Variants in RAPGEF6 observed in about 807,000 individuals in gnomAD.
RAPGEF6 encodes the protein PDZ domain containing guanine nucleotide exchange factor (GEF) 2.
RAPGEF6 carries 56 observed loss-of-function variants against 171.4 expected under a neutral mutation model. The ratio of observed to expected loss-of-function variants is 0.33; its 90% CI spans 0.26 to 0.41. The LOEUF (loss-of-function observed/expected upper bound fraction) is 0.41, where lower values mean the gene tolerates loss of function less well. RAPGEF6 is among the 10% of genes least tolerant of loss of function. The pLI is 1.00. For synonymous variants in RAPGEF6, 692 were observed against 650.1 expected (o/e 1.06, Z -0.98); for missense variants, 1,674 against 1,921.4 (o/e 0.87, Z 2.41).
intron 5 of RAPGEF6, among the ~76,000 whole-genome samples, chr5:131,555,939 G>A (rs763430392): frequency 6.6e-5 from 10 of 152,140 alleles, no homozygotes; most frequent in South Asian, 2.1e-4. Flanking sequence ...AGGCTATATA[G>A]TATGGCCTAT....
At chr5:131,518,788 T>C (rs1011586474) in intron 7 of RAPGEF6, among the ~76,000 whole-genome samples, 1 of 152,156 alleles carries the variant, frequency 6.6e-6, no homozygotes, top group African/African-American at 2.4e-5. Context: ...TATAAGTTTC[T>C]TCTTTAAATT....
chr5:131,599,789 G>C (rs1764119546), intron 3 of RAPGEF6, among the ~76,000 whole-genome samples: 2 of 152,046 alleles, frequency 1.3e-5, no homozygotes, highest in South Asian at 4.1e-4. Context: ...TTTTTTTAAA[G>C]TGCCAAAATG....
chr5:131,595,712 TA>T (rs774019113), intron 3 of RAPGEF6, among the ~76,000 whole-genome samples: 14 of 151,828 alleles, frequency 9.2e-5, no homozygotes, highest in Admixed American at 2.0e-4. Context: ...AAGGCAGGAA[TA>T]AATCCTTACC....
intron 6 of RAPGEF6, among the ~76,000 whole-genome samples, chr5:131,530,213 A>G (rs1350814093): frequency 6.6e-6 from 1 of 152,040 alleles, no homozygotes; most frequent in Non-Finnish European, 1.5e-5. Context: ...GGAAAAAAAA[A>G]GCATGAGCTC....
Position 131,423,967 on chromosome 5 carries a change from A to G in RAPGEF6, c.*3299T>C, listed in dbSNP as rs370176546. 4 of 152,292 alleles carry G rather than the reference A, an allele frequency of 2.6e-5. No individual in the cohort carries two copies. The highest frequency in any genetic ancestry group is 4.8e-5 in the African/African-American group (2 of 41,464). The allele number at this position is 152,292 out of a possible 1,614,324, so 9.4% of individuals were successfully genotyped here. On this transcript the variant is annotated 3_prime_UTR_variant, in exon 28 of 28. Transcript: ENST00000509018. ...TTCCACCAATGTATTAGTAGATATG[A>G]TAATAATAAATGGTATTTTTACATT...
At chr5:131,485,565 T>C (rs1755832689) in intron 15 of RAPGEF6, among the ~76,000 whole-genome samples, 1 of 152,188 alleles carries the variant, frequency 6.6e-6, no homozygotes. Context: ...AGTACTCACA[T>C]CCAGGTTTTA....
intron 21 of RAPGEF6, among the ~76,000 whole-genome samples, chr5:131,452,846 C>A (rs1219002594): frequency 6.6e-6 from 1 of 152,100 alleles, no homozygotes; most frequent in Non-Finnish European, 1.5e-5. Flanking sequence ...CTCTGAGCTT[C>A]ATTCAGTTTC....
rs182027874 is a variant in RAPGEF6, at chr5:131,534,327, A to C, written c.496-12806T>G. Reference sequence around the variant, plus strand: ...ACTTTCTGAACAACACTATGCTGCCAATCTGAATTACACTGCTACTTATAA... The same window carrying C: ...ACTTTCTGAACAACACTATGCTGCCCATCTGAATTACACTGCTACTTATAA... On this transcript the variant is annotated intron_variant, in intron 6 of 27. Transcript: ENST00000509018. Among the ~76,000 whole-genome samples the C allele has an allele frequency of 1.6e-3, 241 of 152,242 alleles. 2 individuals carry two copies. Among genetic ancestry groups the C allele is most frequent in the African/African-American group, 5.1e-3 (210 of 41,570 alleles).
rs150734648 is a variant in RAPGEF6 at position 131,510,044 on chromosome 5, G to C, written c.805+270C>G. On this transcript the variant is annotated intron_variant, in intron 8 of 27. Transcript: ENST00000509018. ...GAAGGTCATGCACCAAAGGCCATTT[G>C]AATAGCTATCTTGGACACAGATTCT... 8.3e-3 allele frequency among the ~76,000 whole-genome samples: 1,265 copies of C among 152,286 alleles called. 3 individuals are homozygous for C. Among genetic ancestry groups the C allele is most frequent in the South Asian group, 0.014 (68 of 4,822 alleles).
At chr5:131,462,495 G>A (rs1032199535) in intron 18 of RAPGEF6, among the ~76,000 whole-genome samples, 1 of 152,040 alleles carries the variant, frequency 6.6e-6, no homozygotes, top group African/African-American at 2.4e-5. Context: ...GAATCAAGAC[G>A]GTTAAAAATC....
At chr5:131,471,639 G>C (rs867054676) in intron 17 of RAPGEF6, among the ~76,000 whole-genome samples, 1 of 151,974 alleles carries the variant, frequency 6.6e-6, no homozygotes, top group African/African-American at 2.4e-5. Flanking sequence ...AATCCGTTAA[G>C]TGATGGATAT....
chr5:131,489,605 G>T lies in RAPGEF6; in HGVS notation c.1781C>A (p.Ala594Asp). 6.3e-7 allele frequency: 1 copy of T among 1,597,602 alleles called. No individual in the cohort carries two copies. ...AGTATTATTCCTCAAAATTTCAACG[G>T]CTTTCATAAATGTAATATTCTCAAA... ...QNFENITFMK[A>D]VEILRNNTHL... The change falls in exon 15 of 28, where the codon GCC becomes GAC. Residue 594 changes from alanine (A) to aspartate (D), a missense_variant. By Grantham distance (126) the Ala-to-Asp change is moderately radical. This residue lies in a region of RAPGEF6 where 1,116 missense variants were observed against 1,321.5 expected (regional missense o/e 0.84). Coordinates refer to ENST00000509018, the MANE Select transcript of RAPGEF6 (RefSeq NM_016340.6).
rs919000687 is a variant in RAPGEF6, at chr5:131,611,198, C to T, written c.70-6505G>A. On this transcript the variant is annotated intron_variant, in intron 1 of 27. Transcript: ENST00000509018. Reference sequence around the variant, plus strand: ...GGTGTGAATGCTCTACCAACTCTCTCCATTTTTGCTCAGAGGCATTTTCCC... The same window carrying T: ...GGTGTGAATGCTCTACCAACTCTCTTCATTTTTGCTCAGAGGCATTTTCCC... Among the ~76,000 whole-genome samples the T allele has an allele frequency of 3.9e-5, 6 of 152,318 alleles. No individual in the cohort carries two copies. The East Asian group carries it at 1.2e-3, about 29-fold the overall frequency.
At chr5:131,629,873 T>A (rs920233546) in intron 1 of RAPGEF6, among the ~76,000 whole-genome samples, 21 of 152,162 alleles carry the variant, frequency 1.4e-4, no homozygotes, top group African/African-American at 4.8e-4. Flanking sequence ...AGCTGCCTCT[T>A]ATGCATTAGT....
intron 17 of RAPGEF6, among the ~76,000 whole-genome samples, chr5:131,471,925 T>A (rs1311417666): frequency 1.3e-5 from 2 of 152,196 alleles, no homozygotes; most frequent in African/African-American, 4.8e-5. Context: ...TGAGGCCACT[T>A]AGATTAAAAT....
Position 131,428,931 on chromosome 5 carries a change from T to C in RAPGEF6, c.4751A>G (p.Asp1584Gly), listed in dbSNP as rs769056382. 2 of 1,613,954 alleles carry C rather than the reference T, an allele frequency of 1.2e-6. No homozygotes were observed. Among genetic ancestry groups the C allele is most frequent in the Non-Finnish European group, 1.7e-6 (2 of 1,179,930 alleles). ...NLQPFHPKLGDVTDADSEADE... is the reference protein window; with the variant it reads ...NLQPFHPKLGGVTDADSEADE... Reference sequence around the variant, plus strand: ...TGCTTCGCTATCTGCATCAGTCACATCTCCTAGTTTAGGATGGAATGGCTG... The same window carrying C: ...TGCTTCGCTATCTGCATCAGTCACACCTCCTAGTTTAGGATGGAATGGCTG... Residue 1584 changes from aspartate to glycine, a missense_variant, in exon 27 of 28, where the codon GAT becomes GGT. Transcript: ENST00000509018.
At chr5:131,619,337 G>GA (rs1765471618) in intron 1 of RAPGEF6, among the ~76,000 whole-genome samples, 1 of 152,056 alleles carries the variant, frequency 6.6e-6, no homozygotes. Context: ...GGGCGGGGGG[G>GA]CATAGCATTA....
At chr5:131,433,121 A>G (rs1751809569) in intron 25 of RAPGEF6, among the ~76,000 whole-genome samples, 1 of 152,182 alleles carries the variant, frequency 6.6e-6, no homozygotes, top group South Asian at 2.1e-4. Context: ...TGATTAACCT[A>G]TAGCCAGAAT....
intron 26 of RAPGEF6, among the ~76,000 whole-genome samples, chr5:131,430,411 T>C (rs972753218): frequency 6.6e-6 from 1 of 152,032 alleles, no homozygotes; most frequent in Non-Finnish European, 1.5e-5. Context: ...TACTGAAAAA[T>C]GTTCTGGACT....
Sources: allele counts gnomAD v4.1 joint callset (sites outside exome capture counted in the v4.1 genomes callset), GRCh38; gene constraint gnomAD v4.1.1; regional missense constraint gnomAD v4.1.1; transcripts MANE v1.5; gene names NCBI Gene and HGNC (gene_info 2026-07-23, HGNC 2026-07-21).